Variants in ZNF469 observed in about 807,000 individuals in gnomAD.
The protein encoded by ZNF469 is zinc finger protein 469.
Under a neutral mutation model 1.0 loss-of-function variants are expected in ZNF469, and 1 was observed. The observed-to-expected ratio is 1.00, with a 90% CI of 0.35 to 4.73. ZNF469 has a LOEUF of 4.73. ZNF469 is among the 30% of genes most tolerant of loss of function. ZNF469 has a pLI of 0.16. For synonymous variants in ZNF469, 2,703 were observed against 2,363.4 expected (o/e 1.14, Z -4.17); for missense variants, 6,100 against 5,356.3 (o/e 1.14, Z -4.33).
chr16:88,296,974 T>A, the ZNF469 span, among the ~76,000 whole-genome samples: 1 of 152,146 alleles, frequency 6.6e-6, no homozygotes, highest in African/African-American at 2.4e-5. Flanking sequence ...CACAGACTGA[T>A]GTTGGCCACT....
At chr16:88,233,420 G>A in the ZNF469 span, among the ~76,000 whole-genome samples, 16 of 152,332 alleles carry the variant, frequency 1.1e-4, no homozygotes, top group Admixed American at 4.6e-4. Context: ...CATCATTGCC[G>A]TCTTCCTGGC....
chr16:88,230,879 C>A, the ZNF469 span, among the ~76,000 whole-genome samples: 5 of 151,948 alleles, frequency 3.3e-5, no homozygotes, highest in Admixed American at 2.6e-4. Flanking sequence ...CTGGCAGAGG[C>A]CCGGGCTCTC....
the ZNF469 span, among the ~76,000 whole-genome samples, chr16:88,115,381 A>C: frequency 6.6e-6 from 1 of 151,902 alleles, no homozygotes; most frequent in Non-Finnish European, 1.5e-5. Flanking sequence ...GTCCCGGCTG[A>C]TCAGCCAAGG....
chr16:88,344,998 G>C, the ZNF469 span, among the ~76,000 whole-genome samples: 2 of 152,242 alleles, frequency 1.3e-5, no homozygotes, highest in Non-Finnish European at 2.9e-5. Context: ...CCTGACTTGG[G>C]GTTTGGCTGG....
the ZNF469 span, among the ~76,000 whole-genome samples, chr16:88,140,163 G>A: frequency 6.6e-6 from 1 of 152,188 alleles, no homozygotes; most frequent in Non-Finnish European, 1.5e-5. Context: ...AAATGGATTT[G>A]GCATTGAAGT....
the ZNF469 span, among the ~76,000 whole-genome samples, chr16:88,308,556 T>C: frequency 6.6e-6 from 1 of 152,124 alleles, no homozygotes; most frequent in Admixed American, 6.5e-5. Flanking sequence ...CACCCAGCAT[T>C]GCAATCTAGT....
chr16:88,383,960 CG>C (rs1270026952), intron 1 of ZNF469, among the ~76,000 whole-genome samples: 5 of 151,720 alleles, frequency 3.3e-5, no homozygotes, highest in African/African-American at 1.2e-4. Context: ...CAATGGGGCT[CG>C]GGGGACTCCC....
the ZNF469 span, among the ~76,000 whole-genome samples, chr16:88,372,428 CCAT>C: frequency 7.0e-3 from 1,036 of 147,626 alleles, 11 homozygotes; most frequent in African/African-American, 0.025. Flanking sequence ...ACCATCATCA[CCAT>C]CATCATCACC....
upstream of ZNF469, among the ~76,000 whole-genome samples, chr16:88,381,243 G>GTATTTCTTAGAA (rs2092523751): frequency 2.6e-5 from 2 of 75,796 alleles, no homozygotes; most frequent in African/African-American, 1.1e-4. Context: ...CGCACTCACA[G>GTATTTCTTAGAA]ACATGCACTC....
chr16:88,196,203 G>A, the ZNF469 span, among the ~76,000 whole-genome samples: 1 of 152,170 alleles, frequency 6.6e-6, no homozygotes, highest in Admixed American at 6.5e-5. Context: ...CTTAGAAGTG[G>A]AGTACCTGTC....
chr16:88,250,090 G>C, the ZNF469 span, among the ~76,000 whole-genome samples: 1 of 152,228 alleles, frequency 6.6e-6, no homozygotes, highest in South Asian at 2.1e-4. Context: ...TGTATGTGCA[G>C]AAAAGCGAAG....
the ZNF469 span, among the ~76,000 whole-genome samples, chr16:88,132,486 C>G: frequency 6.6e-6 from 1 of 152,248 alleles, no homozygotes; most frequent in East Asian, 1.9e-4. Flanking sequence ...AGAGACTGAG[C>G]CTTTCCCAAC....
intron 1 of ZNF469, among the ~76,000 whole-genome samples, chr16:88,418,797 G>A (rs1009700303): frequency 6.6e-6 from 1 of 152,236 alleles, no homozygotes; most frequent in African/African-American, 2.4e-5. Context: ...ACCTGCAAAG[G>A]TTTATCTGAG....
the ZNF469 span, among the ~76,000 whole-genome samples, chr16:88,192,928 G>A: frequency 2.0e-5 from 3 of 147,266 alleles, no homozygotes; most frequent in African/African-American, 2.5e-5. Context: ...GGTGATGATG[G>A]TGATAGTGAT....
chr16:88,131,548 C>T, the ZNF469 span, among the ~76,000 whole-genome samples: 7 of 152,346 alleles, frequency 4.6e-5, no homozygotes, highest in Admixed American at 3.9e-4. Context: ...ACCCCTTCAC[C>T]GGGTCTCTCA....
intron 1 of ZNF469, among the ~76,000 whole-genome samples, chr16:88,416,432 C>T (rs1025624713): frequency 7.2e-5 from 11 of 152,186 alleles, no homozygotes; most frequent in Admixed American, 5.9e-4. Context: ...CCAGGCCTCC[C>T]GTCCTACCTC....
chr16:88,107,722 G>C, the ZNF469 span, among the ~76,000 whole-genome samples: 1 of 152,248 alleles, frequency 6.6e-6, no homozygotes, highest in African/African-American at 2.4e-5. Context: ...CTGGGACATA[G>C]ACGCGGAGGC....
chr16:88,220,498 AC>A, the ZNF469 span, among the ~76,000 whole-genome samples: 991 of 152,298 alleles, frequency 6.5e-3, 27 homozygotes, highest in East Asian at 0.012. Context: ...ACAGAATGCC[AC>A]AGTGTGACCC....
chr16:88,204,898 G>A, the ZNF469 span, among the ~76,000 whole-genome samples: 7 of 152,338 alleles, frequency 4.6e-5, no homozygotes, highest in African/African-American at 1.4e-4. Context: ...GGGTGCTAGC[G>A]ACCGGCCTCC....
Sources: gnomAD v4.1 joint callset for allele counts (sites outside exome capture counted in the v4.1 genomes callset) on GRCh38, gnomAD v4.1.1 for gene constraint, MANE v1.5 for transcripts, NCBI Gene and HGNC (gene_info 2026-07-23, HGNC 2026-07-21) for gene names.